Variants in PCDHA9 observed in about 807,000 individuals in gnomAD.
PCDHA9 encodes the protein protocadherin alpha 9.
PCDHA9 carries 62 observed loss-of-function variants against 62.0 expected under a neutral mutation model. The ratio of observed to expected loss-of-function variants is 1.00; its 90% CI spans 0.81 to 1.23. The LOEUF (loss-of-function observed/expected upper bound fraction) is 1.23, where lower values mean the gene tolerates loss of function less well. Among genes scored for constraint, PCDHA9 ranks in the 50% most tolerant of loss-of-function variants. The pLI is 0.00. For synonymous variants in PCDHA9, 557 were observed against 567.6 expected (o/e 0.98, Z 0.27); for missense variants, 1,205 against 1,249.8 (o/e 0.96, Z 0.54).
chr5:141,003,856 ATG>A (rs1554259354), intron 3 of PCDHA9, among the ~76,000 whole-genome samples: 1 of 152,144 alleles, frequency 6.6e-6, no homozygotes, highest in Non-Finnish European at 1.5e-5. Flanking sequence ...CCAGATTTAT[ATG>A]TGTCTGAAAT....
At chr5:140,931,539 T>C (rs1339633476) in intron 1 of PCDHA9, among the ~76,000 whole-genome samples, 1 of 152,056 alleles carries the variant, frequency 6.6e-6, no homozygotes, top group Non-Finnish European at 1.5e-5. Context: ...AGAGATATAC[T>C]GTTCATATGT....
chr5:140,898,138 T>C (rs1294129650), intron 1 of PCDHA9, among the ~76,000 whole-genome samples: 1 of 152,208 alleles, frequency 6.6e-6, no homozygotes, highest in African/African-American at 2.4e-5. Flanking sequence ...ATTTTGTAGG[T>C]TGCCTGTTCA....
chr5:140,914,944 CTTT>C (rs35695909), intron 1 of PCDHA9, among the ~76,000 whole-genome samples: 73 of 128,234 alleles, frequency 5.7e-4, no homozygotes, highest in African/African-American at 1.8e-3. Flanking sequence ...GAAAAGTTGT[CTTT>C]TTTTTTTTTT....
chr5:140,850,941 T>A lies in PCDHA9; in HGVS notation c.2394+52T>A. The A allele has an allele frequency of 2.0e-6, 3 of 1,505,592 alleles. 1 individual carries two copies. 93.3% of individuals were successfully genotyped at this position (1,505,592 alleles called of 1,614,324 possible). On this transcript the variant is annotated intron_variant, in intron 1 of 3. Coordinates refer to ENST00000532602, the MANE Select transcript of PCDHA9 (RefSeq NM_031857.2). ...TTATATAATTTTTTTTCTTGAAAGATATTATCGATTACTCCCAGGGGCCGT... is the reference window on the plus strand; with the variant it reads ...TTATATAATTTTTTTTCTTGAAAGAAATTATCGATTACTCCCAGGGGCCGT...
rs2098421094 is a variant in PCDHA9 at position 141,011,574 on chromosome 5, TAAATC to T, written c.*1640_*1644del. ...GAAAGACACAGTAAAATTTCTTTCT[TAAATC>T]AAGATACTGGTGATTCAAGGAATTT... On this transcript the variant is annotated 3_prime_UTR_variant, in exon 4 of 4. Transcript: ENST00000532602. 1.3e-5 allele frequency: 2 copies of T among 153,802 alleles called. No individual in the cohort carries two copies. 9.5% of individuals were successfully genotyped at this position (153,802 alleles called of 1,614,324 possible).
chr5:140,852,939 T>C (rs995213458), intron 1 of PCDHA9: 2 of 590,456 alleles, frequency 3.4e-6, no homozygotes, highest in Non-Finnish European at 4.4e-6. Context: ...AGTGCAGTGG[T>C]GCCATCTTGG....
chr5:140,850,468 C>T lies in PCDHA9; in HGVS notation c.1973C>T (p.Ala658Val). ...CTGGTGAAAGACCACGGGGAGCCAG[C>T]GCTGACGGCCACGGCCACTGTGCTG... ...LVLVKDHGEP[A>V]LTATATVLVS... The change falls in exon 1 of 4, where the codon GCG becomes GTG. Residue 658 changes from alanine (A) to valine (V), a missense_variant. By Grantham distance (64) the Ala-to-Val change is moderately conservative. Around this residue, in one of 3 missense-constraint regions of PCDHA9, gnomAD observed 887 missense variants for 809.5 expected, o/e 1.10. Transcript: ENST00000532602. The T allele has an allele frequency of 6.3e-7, 1 of 1,597,912 alleles. No individual in the cohort carries two copies. The highest frequency in any genetic ancestry group is 8.6e-7 in the Non-Finnish European group (1 of 1,167,648).
At chr5:140,877,080 C>T in intron 1 of PCDHA9, 2 of 1,613,062 alleles carry the variant, frequency 1.2e-6, no homozygotes, top group East Asian at 2.2e-5. Context: ...TCCAGGTGAG[C>T]GCGCGCGACG....
At chr5:140,970,384 C>T (rs2096401322) in intron 1 of PCDHA9, among the ~76,000 whole-genome samples, 1 of 152,104 alleles carries the variant, frequency 6.6e-6, no homozygotes, top group Admixed American at 6.5e-5. Flanking sequence ...AAAAGGCTGG[C>T]TTGGAAAGTG....
intron 1 of PCDHA9, chr5:140,969,185 A>G (rs782632936): frequency 1.9e-6 from 3 of 1,613,974 alleles, no homozygotes; most frequent in South Asian, 1.1e-5. Context: ...TGACACTTTC[A>G]TGTTTTACAA....
intron 1 of PCDHA9, among the ~76,000 whole-genome samples, chr5:140,919,250 T>G (rs1471325437): frequency 6.6e-6 from 1 of 152,236 alleles, no homozygotes; most frequent in African/African-American, 2.4e-5. Flanking sequence ...TTGTCTGTTT[T>G]GTCTGATATT....
Position 140,850,710 on chromosome 5 carries a change from C to T in PCDHA9, c.2215C>T (p.Leu739=), listed in dbSNP as rs149535933. The T allele has an allele frequency of 3.1e-6, 5 of 1,597,920 alleles. No homozygotes were observed. The African/African-American group carries it at 6.7e-5, about 22-fold the overall frequency. The change falls in exon 1 of 4, where the codon CTG becomes TTG. Residue 739 remains leucine (L), a synonymous_variant. Coordinates refer to ENST00000532602, the MANE Select transcript of PCDHA9 (RefSeq NM_031857.2). ...EGECAPGKPT[L]VCSSAVGSWS... ...CGAGTGCGCGCCTGGCAAGCCGACG[C>T]TGGTGTGTTCTAGCGCGGTGGGGAG... is the stretch of plus-strand genomic sequence containing the variant.
chr5:140,870,915 G>A (rs1554164824), intron 1 of PCDHA9: 4 of 1,613,830 alleles, frequency 2.5e-6, no homozygotes, highest in Non-Finnish European at 3.4e-6. Flanking sequence ...GCTACAACGC[G>A]TGGCTTTCAT....
intron 1 of PCDHA9, chr5:140,968,131 G>A (rs1485866692): frequency 1.2e-6 from 2 of 1,614,042 alleles, no homozygotes; most frequent in African/African-American, 1.3e-5. Context: ...TGCGTACACT[G>A]AAGGTTGAGA....
intron 1 of PCDHA9, among the ~76,000 whole-genome samples, chr5:140,874,611 C>T (rs1274309771): frequency 6.6e-6 from 1 of 152,220 alleles, no homozygotes; most frequent in African/African-American, 2.4e-5. Flanking sequence ...GAGGCTTCAA[C>T]TAAACATTTT....
At chr5:140,859,726 A>G (rs929910976) in intron 1 of PCDHA9, 1 of 154,384 alleles carries the variant, frequency 6.5e-6, no homozygotes, top group Admixed American at 6.4e-5. Context: ...AAATTGTGGC[A>G]AGAATTTAAG....
intron 1 of PCDHA9, among the ~76,000 whole-genome samples, chr5:140,977,260 T>C (rs2096752693): frequency 6.6e-6 from 1 of 152,226 alleles, no homozygotes. Flanking sequence ...TCTCAGCAGA[T>C]GTTACAGTCT....
intron 1 of PCDHA9, among the ~76,000 whole-genome samples, chr5:140,931,894 A>G (rs1242530874): frequency 1.3e-5 from 2 of 151,966 alleles, no homozygotes; most frequent in African/African-American, 4.8e-5. Flanking sequence ...TTTTATTTCA[A>G]ATCATTTGAA....
intron 1 of PCDHA9, among the ~76,000 whole-genome samples, chr5:140,955,338 C>T (rs1232401709): frequency 6.6e-6 from 1 of 152,062 alleles, no homozygotes; most frequent in African/African-American, 2.4e-5. Flanking sequence ...TCCCATAATC[C>T]CCACATGTTG....
Sources: gnomAD v4.1 joint callset for allele counts (sites outside exome capture counted in the v4.1 genomes callset) on GRCh38, gnomAD v4.1.1 for gene constraint, gnomAD v4.1.1 regional missense constraint, MANE v1.5 for transcripts, NCBI Gene and HGNC (gene_info 2026-07-23, HGNC 2026-07-21) for gene names.